EPYC: variants seen among roughly 807,000 people sequenced by gnomAD.
EPYC encodes the protein epiphycan, also known as dermatan sulfate proteoglycan 3.
EPYC carries 28 observed loss-of-function variants against 30.1 expected under a neutral mutation model. That is an observed-to-expected ratio of 0.93 (90% CI 0.69 to 1.28). The LOEUF is 1.28. Among genes scored for constraint, EPYC ranks in the 50% most tolerant of loss-of-function variants. EPYC has a pLI of 0.00. For missense variants in EPYC, 382 were observed against 383.5 expected (o/e 1.00, Z 0.03); for synonymous variants, 144 against 141.4 (o/e 1.02, Z -0.13).
chr12:90,982,250 G>A (rs1877340534), intron 2 of EPYC, among the ~76,000 whole-genome samples: 1 of 152,114 alleles, frequency 6.6e-6, no homozygotes, highest in Non-Finnish European at 1.5e-5. Context: ...GTCCTCTAGT[G>A]TAGATGTAGT....
intron 2 of EPYC, among the ~76,000 whole-genome samples, chr12:90,982,355 T>C (rs1687663619): frequency 6.6e-6 from 1 of 152,124 alleles, no homozygotes; most frequent in South Asian, 2.1e-4. Flanking sequence ...TTTTTTAGTA[T>C]GTTGACAGTT....
At chr12:90,997,967 C>A (rs1877733791) in intron 2 of EPYC, among the ~76,000 whole-genome samples, 2 of 151,994 alleles carry the variant, frequency 1.3e-5, no homozygotes, top group South Asian at 4.2e-4. Context: ...TCTTTTATCA[C>A]CCTTTTGGAA....
At chr12:90,979,310 C>T (rs4601852) in intron 2 of EPYC, among the ~76,000 whole-genome samples, 1 of 152,118 alleles carries the variant, frequency 6.6e-6, no homozygotes, top group African/African-American at 2.4e-5. Context: ...CAGACTTTCC[C>T]TTAACCACAC....
At chr12:91,004,172 T>A (rs1006243645) in intron 1 of EPYC, among the ~76,000 whole-genome samples, 24 of 152,138 alleles carry the variant, frequency 1.6e-4, no homozygotes, top group Non-Finnish European at 1.9e-4. Flanking sequence ...TTAAAAAAAA[T>A]TTTTCCTTAT....
At chr12:90,978,325 T>C (rs946902295) in intron 2 of EPYC, 63 bp from the exon 3 acceptor site, 12 of 1,493,110 alleles carry the variant, frequency 8.0e-6, no homozygotes, top group Non-Finnish European at 1.1e-5. Context: ...TGTGTGGCAG[T>C]GACACAAATT....
At chr12:90,970,171 A>G (rs1877004299) in intron 5 of EPYC, 32 bp from the exon 6 acceptor site, 1 of 1,450,420 alleles carries the variant, frequency 6.9e-7, no homozygotes, top group Non-Finnish European at 9.6e-7. Flanking sequence ...GAACTCAATA[A>G]AAACTCAATA....
rs1877858247 is a variant in EPYC, at chr12:91,002,579, C to T, written c.-13-1G>A. Reference sequence around the variant, plus strand: ...TAATGTCTTCATTTTTCAAGCTTTCCTAATTATAAAATATTAAAATGCATA... The same window carrying T: ...TAATGTCTTCATTTTTCAAGCTTTCTTAATTATAAAATATTAAAATGCATA... On this transcript the variant is annotated splice_acceptor_variant, in intron 1 of 6. Transcript: ENST00000261172. LOFTEE classifies it low-confidence loss of function (5UTR_SPLICE). 2.5e-6 allele frequency: 4 copies of T among 1,592,784 alleles called. No homozygotes were observed. Among genetic ancestry groups the T allele is most frequent in the Non-Finnish European group, 3.4e-6 (4 of 1,171,468 alleles).
In EPYC at chr12:90,978,254, T is replaced by C. The variant is rs1877236907; in HGVS notation, c.174A>G (p.Ile58Met). The C allele has an allele frequency of 6.5e-7, 1 of 1,542,222 alleles. No homozygotes were observed. The highest frequency in any genetic ancestry group is 1.2e-5 in the South Asian group (1 of 82,372). Residue 58 changes from isoleucine to methionine, a missense_variant, in exon 3 of 7, where the codon ATA becomes ATG. By Grantham distance (10) the Ile-to-Met change is conservative (BLOSUM62 1). Transcript: ENST00000261172. ...TGTTCCCTGAAGGCATCACTGTGGC[T>C]ATTTCAATCTGAAAAAAAAAAAAAA... ...NIPVDKVEIE[I>M]ATVMPSGNRE... is the part of the protein sequence containing the mutation.
chr12:90,992,802 G>A (rs538668350), intron 2 of EPYC, among the ~76,000 whole-genome samples: 14 of 152,246 alleles, frequency 9.2e-5, no homozygotes, highest in Admixed American at 5.2e-4. Flanking sequence ...AGCTCCTTCC[G>A]TAGAGTTTCT....
chr12:90,972,793 G>C lies in EPYC; in HGVS notation c.499+29C>G, dbSNP rs772077640. ...AAATTTAAAGGAAGTGTGTAAAGCG[G>C]TGAAGGCCGTTAATGCTGTCATCCA... On this transcript the variant is annotated intron_variant, in intron 4 of 6. Transcript: ENST00000261172. 6.9e-6 allele frequency: 11 copies of C among 1,602,560 alleles called. No homozygotes were observed. In the East Asian group the frequency reaches 1.3e-4, roughly 20 times the overall value.
chr12:90,968,703 A>G (rs1876960142), intron 6 of EPYC, among the ~76,000 whole-genome samples: 1 of 152,192 alleles, frequency 6.6e-6, no homozygotes, highest in African/African-American at 2.4e-5. Context: ...TTATGTTTAA[A>G]TATAACATCA....
intron 2 of EPYC, among the ~76,000 whole-genome samples, chr12:90,986,921 T>C (rs1384602632): frequency 1.3e-5 from 2 of 152,148 alleles, no homozygotes; most frequent in Admixed American, 1.3e-4. Flanking sequence ...TTCTTTTTTT[T>C]CCCCATTATA....
chr12:90,998,377 T>A (rs957167573), intron 2 of EPYC, among the ~76,000 whole-genome samples: 2 of 152,110 alleles, frequency 1.3e-5, no homozygotes, highest in African/African-American at 4.8e-5. Flanking sequence ...CATTGTTGGG[T>A]CTAAAACTTG....
At position 90,966,548 on chromosome 12, in the gene EPYC, A is replaced by T. The variant is rs901145635; in HGVS notation, c.799-2222T>A. 8.6e-5 allele frequency among the ~76,000 whole-genome samples: 13 copies of T among 151,956 alleles called. 1 individual carries two copies. Among genetic ancestry groups the T allele is most frequent in the Non-Finnish European group, 1.2e-4 (8 of 67,952 alleles). On this transcript the variant is annotated intron_variant, in intron 6 of 6. Coordinates refer to ENST00000261172, the MANE Select transcript of EPYC (RefSeq NM_004950.5). The stretch of plus-strand genomic sequence containing the variant: ...GAATTCCGTTTGTTGTGTTTTGTTG[A>T]GGCGATTTGCATCAATATTTATAAA...
rs371403011 is a variant in EPYC, at chr12:90,975,312, G to A, written c.341-2332C>T. Among the ~76,000 whole-genome samples the A allele has an allele frequency of 4.6e-4, 70 of 151,792 alleles. No individual in the cohort carries two copies. The East Asian group carries it at 0.012, about 27-fold the overall frequency. ...TGCTTAGGGTAATTTATATATATTC[G>A]CAGTAGTTATATTTTAATTCTAAGT... On this transcript the variant is annotated intron_variant, in intron 3 of 6. Transcript: ENST00000261172.
chr12:90,989,611 A>G (rs983276155), intron 2 of EPYC, among the ~76,000 whole-genome samples: 1 of 152,040 alleles, frequency 6.6e-6, no homozygotes, highest in Non-Finnish European at 1.5e-5. Flanking sequence ...TTTAAGTGAA[A>G]AATTCCATGC....
chr12:91,002,935 G>A (rs927528334), intron 1 of EPYC, among the ~76,000 whole-genome samples: 1 of 152,072 alleles, frequency 6.6e-6, no homozygotes, highest in African/African-American at 2.4e-5. Context: ...GGGATATGAA[G>A]TTGAAGATGA....
chr12:90,997,120 C>G (rs983185669), intron 2 of EPYC, among the ~76,000 whole-genome samples: 1 of 151,958 alleles, frequency 6.6e-6, no homozygotes, highest in African/African-American at 2.4e-5. Context: ...AGAAATTTTT[C>G]TTACACATCC....
rs1364117793 is a variant in EPYC at position 90,987,053 on chromosome 12, T to C, written c.166-8791A>G. 3.9e-5 allele frequency among the ~76,000 whole-genome samples: 6 copies of C among 152,032 alleles called. No individual in the cohort carries two copies. The East Asian group carries it at 1.2e-3, about 29-fold the overall frequency. ...TAAATGATTGTTTTGTGTATAAGAG[T>C]AAGAAAATATTATAAAATGGTTAAA... On this transcript the variant is annotated intron_variant, in intron 2 of 6. Coordinates refer to ENST00000261172, the MANE Select transcript of EPYC (RefSeq NM_004950.5).
Sources: allele counts gnomAD v4.1 joint callset (sites outside exome capture counted in the v4.1 genomes callset), GRCh38; gene constraint gnomAD v4.1.1; transcripts MANE v1.5; gene names NCBI Gene and HGNC (gene_info 2026-07-23, HGNC 2026-07-21).